FAM186B: variants seen among roughly 807,000 people sequenced by gnomAD.
The protein encoded by FAM186B is protein FAM186B.
A neutral mutation model predicts 83.4 loss-of-function variants in FAM186B; 68 were observed. The ratio of observed to expected loss-of-function variants is 0.81; its 90% CI spans 0.67 to 1.00. The LOEUF is 1.00. Among genes scored for constraint, FAM186B ranks in the 50% least tolerant of loss-of-function variants. The probability of loss-of-function intolerance (pLI) is 0.00; values close to 1 mark genes in which losing one functional copy is unlikely to be tolerated. For missense variants in FAM186B, 983 were observed against 1,099.2 expected, an observed-to-expected ratio of 0.89 and a Z score of 1.49; for synonymous variants, 389 against 422.0, an observed-to-expected ratio of 0.92 and a Z score of 0.96.
chr12:49,619,586 C>T, the FAM186B span: 711 of 636,336 alleles, frequency 1.1e-3, 4 homozygotes, highest in Non-Finnish European at 1.8e-3. Flanking sequence ...TTCCATGTAT[C>T]GGGAATTCTG....
In FAM186B at chr12:49,599,581, A is replaced by T; in HGVS notation, c.2059T>A (p.Tyr687Asn). 6.2e-7 allele frequency: 1 copy of T among 1,612,890 alleles called. No homozygotes were observed. The highest frequency in any genetic ancestry group is 8.5e-7 in the Non-Finnish European group (1 of 1,179,398). Residue 687 changes from tyrosine (Y) to asparagine (N), a missense_variant, in exon 4 of 7, where the codon TAC becomes AAC. Coordinates refer to ENST00000257894, the MANE Select transcript of FAM186B (RefSeq NM_032130.3). Reference protein sequence around the residue: ...SEESELRLPHYLRSKALELTT... With the variant: ...SEESELRLPHNLRSKALELTT... The stretch of plus-strand genomic sequence containing the variant: ...AGCTCCAGTGCTTTGCTGCGCAGGT[A>T]GTGGGGCAGCCTCAACTCAGACTCC...
chr12:49,585,125 T>C (rs1339887374), downstream of FAM186B, among the ~76,000 whole-genome samples: 4 of 152,190 alleles, frequency 2.6e-5, no homozygotes, highest in Admixed American at 2.6e-4. Context: ...TTCACACCAC[T>C]CTCCTGCCTC....
upstream of FAM186B, among the ~76,000 whole-genome samples, chr12:49,607,527 T>G (rs1048725765): frequency 6.6e-6 from 1 of 152,070 alleles, no homozygotes; most frequent in South Asian, 2.1e-4. Context: ...ATTGGATTCA[T>G]AATATAAAAA....
In FAM186B at chr12:49,599,461, G is replaced by A. The variant is rs199689151; in HGVS notation, c.2171+8C>T. ...GTGGGTGCCAGGTGGGTTCCAGGGA[G>A]GACCTACCGGAGGCTCTGGAGGCGT... On this transcript the variant is annotated splice_region_variant and intron_variant, in intron 4 of 6. Transcript: ENST00000257894. 51 of 1,521,366 alleles carry A rather than the reference G, an allele frequency of 3.4e-5. No homozygotes were observed. In the African/African-American group the frequency reaches 6.5e-4, roughly 20 times the overall value. The allele number at this position is 1,521,366 out of a possible 1,614,324, so 94.2% of individuals were successfully genotyped here. A position where few individuals can be genotyped will look rare whatever the true frequency, so the allele number is the denominator to read the frequency against.
intron 5 of FAM186B, among the ~76,000 whole-genome samples, chr12:49,594,896 C>T (rs930722593): frequency 2.5e-4 from 38 of 151,674 alleles, no homozygotes; most frequent in African/African-American, 8.5e-4. Flanking sequence ...AAAGGAATGC[C>T]GCAGACTGAA....
chr12:49,593,632 CAAA>C (rs34152009), intron 5 of FAM186B, among the ~76,000 whole-genome samples: 3 of 86,362 alleles, frequency 3.5e-5, no homozygotes. Flanking sequence ...GACTCCATCT[CAAA>C]AAAAAAAAAA....
At chr12:49,616,756 G>C in the FAM186B span, among the ~76,000 whole-genome samples, 18 of 152,334 alleles carry the variant, frequency 1.2e-4, no homozygotes, top group South Asian at 2.1e-3. Context: ...AAAGGTTTTT[G>C]AGTAAAGGAA....
At chr12:49,593,997 GT>G (rs2138262713) in intron 5 of FAM186B, 1 of 159,596 alleles carries the variant, frequency 6.3e-6, no homozygotes, top group Non-Finnish European at 1.4e-5. Context: ...CCATTTCTCA[GT>G]GCTGGGTAGG....
intron 5 of FAM186B, among the ~76,000 whole-genome samples, chr12:49,589,193 A>G (rs1354877004): frequency 2.0e-5 from 3 of 152,152 alleles, no homozygotes; most frequent in Admixed American, 1.3e-4. Context: ...CCTCACACCA[A>G]TGCCTCAGCA....
In FAM186B at chr12:49,605,540, A is replaced by G. The variant is rs1035541281; in HGVS notation, c.-63T>C. ...TCTGGTCCACAGGCCTGGACACACA[A>G]TGTTGCCTGCTTTGGAGGTTAAGGG... On this transcript the variant is annotated 5_prime_UTR_variant, in exon 1 of 7. Coordinates refer to ENST00000257894, the MANE Select transcript of FAM186B (RefSeq NM_032130.3). The G allele has an allele frequency of 4.3e-5, 67 of 1,548,732 alleles. No individual in the cohort carries two copies. Among genetic ancestry groups the G allele is most frequent in the Non-Finnish European group, 5.7e-5 (65 of 1,141,366 alleles).
intron 5 of FAM186B, chr12:49,595,558 GA>G: frequency 2.2e-6 from 1 of 445,414 alleles, no homozygotes; most frequent in South Asian, 1.7e-5. Context: ...GAATCGTGTG[GA>G]AAAGGACGGC....
intron 5 of FAM186B, among the ~76,000 whole-genome samples, chr12:49,596,004 A>G (rs771973497): frequency 1.3e-5 from 2 of 152,116 alleles, no homozygotes; most frequent in African/African-American, 2.4e-5. Flanking sequence ...ATAAATAAAA[A>G]TAAGACTAGA....
chr12:49,611,493 G>A, the FAM186B span, among the ~76,000 whole-genome samples: 1 of 150,832 alleles, frequency 6.6e-6, no homozygotes. Context: ...GGCTGAGATT[G>A]CAGTGAATTG....
the FAM186B span, among the ~76,000 whole-genome samples, chr12:49,610,647 G>A: frequency 3.3e-5 from 5 of 151,908 alleles, no homozygotes; most frequent in Non-Finnish European, 7.4e-5. Flanking sequence ...AAAACTAGCC[G>A]GACACGGTCG....
Position 49,598,919 on chromosome 12 carries a change from T to C in FAM186B, c.2200A>G (p.Met734Val), listed in dbSNP as rs750055476. The C allele has an allele frequency of 6.2e-7, 1 of 1,613,772 alleles. No homozygotes were observed. Among genetic ancestry groups the C allele is most frequent in the East Asian group, 2.2e-5 (1 of 44,842 alleles). ...RQEAINHVQI[M>V]KETEASYKAQ... is the part of the protein sequence containing the mutation. ...TTGTAGGAAGCCTCCGTTTCTTTCA[T>C]GATTTGTACATGGTTGATCGCTTCT... The change falls in exon 5 of 7, where the codon ATG (methionine) becomes GTG (valine). Residue 734 changes from methionine to valine, a missense_variant. Transcript: ENST00000257894.
At chr12:49,585,429 GAC>G (rs564562847), downstream of FAM186B, among the ~76,000 whole-genome samples, 116 of 152,288 alleles carry the variant, frequency 7.6e-4, no homozygotes, top group African/African-American at 2.4e-3. Context: ...GGGATCTGCA[GAC>G]ACACACAGCT....
chr12:49,587,371 G>A, downstream of FAM186B: 1 of 562,324 alleles, frequency 1.8e-6, no homozygotes. Context: ...CCCCCTGGTG[G>A]CCTCTGAGAC....
the FAM186B span, among the ~76,000 whole-genome samples, chr12:49,615,062 G>T: frequency 2.0e-5 from 3 of 152,092 alleles, no homozygotes; most frequent in Admixed American, 2.0e-4. Flanking sequence ...CAGGGAGGCA[G>T]AGCTTGCAGT....
chr12:49,595,335 AC>A, intron 5 of FAM186B: 1 of 591,832 alleles, frequency 1.7e-6, no homozygotes. Context: ...TAGTAGTTCT[AC>A]CAGGAGGTAA....
Sources: allele counts gnomAD v4.1 joint callset (sites outside exome capture counted in the v4.1 genomes callset), GRCh38; gene constraint gnomAD v4.1.1; transcripts MANE v1.5; gene names NCBI Gene and HGNC (gene_info 2026-07-23, HGNC 2026-07-21).